RBFOX2: variants seen among roughly 807,000 people sequenced by gnomAD.
The protein encoded by RBFOX2 is RNA binding fox-1 homolog 2.
A neutral mutation model predicts 49.1 loss-of-function variants in RBFOX2; 10 were observed. That is an observed-to-expected ratio of 0.20 (90% confidence interval 0.13 to 0.35). RBFOX2 has a LOEUF of 0.35. Among genes scored for constraint, RBFOX2 ranks in the 10% least tolerant of loss-of-function variants. RBFOX2 has a pLI of 1.00. For synonymous variants in RBFOX2, 183 were observed against 187.4 expected (o/e 0.98, Z 0.19); for missense variants, 323 against 486.9 (o/e 0.66, Z 3.17).
At chr22:35,815,802 TA>T (rs1231579105) in intron 1 of RBFOX2, among the ~76,000 whole-genome samples, 1 of 152,206 alleles carries the variant, frequency 6.6e-6, no homozygotes, top group Non-Finnish European at 1.5e-5. Flanking sequence ...ATAATACAAA[TA>T]AAATGTTTTT....
chr22:35,897,082 T>C (rs1236215699), intron 1 of RBFOX2, among the ~76,000 whole-genome samples: 1 of 152,202 alleles, frequency 6.6e-6, no homozygotes, highest in Non-Finnish European at 1.5e-5. Context: ...TTTTTCAAAT[T>C]CTTTGAAGAG....
intron 2 of RBFOX2, among the ~76,000 whole-genome samples, chr22:35,797,157 T>G (rs1948928635): frequency 6.6e-6 from 1 of 152,122 alleles, no homozygotes; most frequent in Non-Finnish European, 1.5e-5. Flanking sequence ...CAAACATAAT[T>G]TAGAGCTACC....
chr22:35,938,815 C>T (rs1260756705), intron 1 of RBFOX2, 32 bp downstream of exon 2: 7 of 1,592,180 alleles, frequency 4.4e-6, no homozygotes, highest in Non-Finnish European at 6.0e-6. Flanking sequence ...CACACACATA[C>T]ATCATCTGAG....
chr22:35,759,963 T>C lies in RBFOX2; in HGVS notation c.812A>G (p.His271Arg). ...TACTGTCCGCCCTCTGCCCCTCAAA[T>C]GGGCTCCTCTGAAAGCGGCTGCCGT... Residue 271 changes from histidine (H) to arginine (R), a missense_variant, in exon 9 of 12, where the codon CAT becomes CGT. Coordinates refer to ENST00000405409, the Ensembl canonical transcript of RBFOX2. The surrounding 1 kb of genome is among the most constrained non-coding windows in gnomAD (Gnocchi z 4.6). The C allele has an allele frequency of 1.2e-6, 2 of 1,613,828 alleles. No homozygotes were observed. The highest frequency in any genetic ancestry group is 1.7e-6 in the Non-Finnish European group (2 of 1,180,026).
At chr22:35,892,840 A>G (rs770850388) in intron 1 of RBFOX2, among the ~76,000 whole-genome samples, 1 of 152,234 alleles carries the variant, frequency 6.6e-6, no homozygotes, top group African/African-American at 2.4e-5. Context: ...GTCTCAGAAT[A>G]GTTATATGAC....
chr22:35,968,033 A>C (rs1401241358), intron 1 of RBFOX2, among the ~76,000 whole-genome samples: 1 of 152,168 alleles, frequency 6.6e-6, no homozygotes, highest in Non-Finnish European at 1.5e-5. Context: ...ACACAACCCG[A>C]AACTTTTTCT....
At chr22:35,874,701 C>T (rs1009026582) in intron 1 of RBFOX2, among the ~76,000 whole-genome samples, 2 of 152,150 alleles carry the variant, frequency 1.3e-5, no homozygotes, top group East Asian at 3.8e-4. Flanking sequence ...TAAGTAATTT[C>T]CTTGAGTTTG....
chr22:35,873,351 C>T (rs2044609355), intron 1 of RBFOX2, among the ~76,000 whole-genome samples: 1 of 151,846 alleles, frequency 6.6e-6, no homozygotes, highest in Non-Finnish European at 1.5e-5. Flanking sequence ...AGGCTGGTCT[C>T]GAGCTCCTGA....
At chr22:35,922,871 G>A (rs5755993) in intron 1 of RBFOX2, among the ~76,000 whole-genome samples, 4,371 of 152,202 alleles carry the variant, frequency 0.029, 91 homozygotes, top group East Asian at 0.042. Flanking sequence ...GAGACCATAT[G>A]GCCCAGATGC....
intron 1 of RBFOX2, among the ~76,000 whole-genome samples, chr22:35,925,442 A>G (rs1391670548): frequency 1.3e-5 from 2 of 152,102 alleles, no homozygotes; most frequent in African/African-American, 4.8e-5. Flanking sequence ...AGGTGGGAGG[A>G]TCACTTACTT....
chr22:35,884,861 C>T lies in RBFOX2; in HGVS notation c.-34+53986G>A, dbSNP rs896130998. Among the ~76,000 whole-genome samples the T allele has an allele frequency of 3.3e-5, 5 of 152,072 alleles. No homozygotes were observed. The East Asian group carries it at 7.7e-4, about 23-fold the overall frequency. ...GAGTACTGACTCTGAAGCAAGACTG[C>T]GCATTTGAATCTTCCTTCCCCGTTG... is the stretch of plus-strand genomic sequence containing the variant. On this transcript the variant is annotated intron_variant, in intron 1 of 13. Coordinates refer to the RBFOX2 transcript ENST00000359369.
At chr22:35,929,606 ACATATAT>A in intron 1 of RBFOX2, among the ~76,000 whole-genome samples, 1 of 152,332 alleles carries the variant, frequency 6.6e-6, no homozygotes, top group Middle Eastern at 3.4e-3. Context: ...GCCAAAGACT[ACATATAT>A]CATATAATTC....
chr22:35,994,403 T>G (rs2058101907), intron 1 of RBFOX2: 1 of 150,400 alleles, frequency 6.6e-6, no homozygotes, highest in Non-Finnish European at 1.5e-5. Context: ...ATTTATTTAT[T>G]TATTTATTTA....
chr22:35,893,993 T>C (rs936150650), intron 1 of RBFOX2, among the ~76,000 whole-genome samples: 5 of 152,128 alleles, frequency 3.3e-5, no homozygotes, highest in African/African-American at 1.2e-4. Flanking sequence ...AAGATGTTCT[T>C]GTCTTAACAA....
chr22:35,774,420 T>C (rs189535058), intron 4 of RBFOX2, among the ~76,000 whole-genome samples: 36 of 152,274 alleles, frequency 2.4e-4, no homozygotes, highest in Non-Finnish European at 1.3e-4. Flanking sequence ...CTTTCCATCA[T>C]ATATCTTAAT....
intron 1 of RBFOX2, among the ~76,000 whole-genome samples, chr22:35,846,775 A>G (rs2041277730): frequency 1.3e-5 from 2 of 152,070 alleles, no homozygotes; most frequent in Non-Finnish European, 2.9e-5. Context: ...AGTGTCCTTT[A>G]GATAGGTAAA....
At chr22:35,854,236 C>T (rs574888898) in intron 1 of RBFOX2, among the ~76,000 whole-genome samples, 17 of 148,960 alleles carry the variant, frequency 1.1e-4, no homozygotes, top group East Asian at 3.9e-4. Context: ...AATAATAATA[C>T]GACCACATTT....
chr22:35,845,525 T>G (rs890016556), upstream of RBFOX2, among the ~76,000 whole-genome samples: 1 of 152,028 alleles, frequency 6.6e-6, no homozygotes, highest in African/African-American at 2.4e-5. Context: ...ACAAATAACA[T>G]AAACTAAGAC....
At chr22:35,825,124 A>T (rs983177275) in intron 1 of RBFOX2, among the ~76,000 whole-genome samples, 1 of 152,190 alleles carries the variant, frequency 6.6e-6, no homozygotes, top group African/African-American at 2.4e-5. Flanking sequence ...GGAGGCTGAG[A>T]CAGTAGAATT....
Sources: gnomAD v4.1 joint callset for allele counts (sites outside exome capture counted in the v4.1 genomes callset) on GRCh38, gnomAD v4.1.1 for gene constraint, Gnocchi (gnomAD v3.1) non-coding constraint, MANE v1.5 for transcripts, NCBI Gene and HGNC (gene_info 2026-07-23, HGNC 2026-07-21) for gene names.